ADAMTSL1: variants seen among roughly 807,000 people sequenced by gnomAD.
ADAMTSL1 encodes ADAMTS like 1, also known as ADAMTS-like protein 1.
In ADAMTSL1, 126 loss-of-function variants were observed where a neutral mutation model predicts 201.8. The ratio of observed to expected loss-of-function variants is 0.62; its 90% CI spans 0.54 to 0.72. ADAMTSL1 has a LOEUF of 0.72. Among genes scored for constraint, ADAMTSL1 ranks in the 30% least tolerant of loss-of-function variants. ADAMTSL1 has a pLI of 0.00. For synonymous variants in ADAMTSL1, 1,121 were observed against 903.4 expected (o/e 1.24, Z -4.32); for missense variants, 2,679 against 2,277.8 (o/e 1.18, Z -3.59).
intron 20 of ADAMTSL1, chr9:18,796,612 G>A (rs999495477): frequency 2.6e-5 from 4 of 152,184 alleles, no homozygotes; most frequent in Non-Finnish European, 4.4e-5. Context: ...ATGACTTCAG[G>A]CTGATCTGGG....
Position 18,241,983 on chromosome 9 carries a change from G to A in ADAMTSL1, c.207+78002G>A, listed in dbSNP as rs563926985. Among the ~76,000 whole-genome samples the A allele has an allele frequency of 1.5e-3, 232 of 152,050 alleles. 2 individuals carry two copies. Among genetic ancestry groups the A allele is most frequent in the African/African-American group, 5.3e-3 (222 of 41,512 alleles). On this transcript the variant is annotated intron_variant, in intron 2 of 29. Coordinates refer to the ADAMTSL1 transcript ENST00000680146. ...CTTATGAAACTCTTCCAAATTACTC[G>A]AGGGGGAGTACTTCCTAACACATCT...
intron 2 of ADAMTSL1, among the ~76,000 whole-genome samples, chr9:18,282,802 CA>C (rs1832842105): frequency 6.6e-6 from 1 of 152,168 alleles, no homozygotes; most frequent in Non-Finnish European, 1.5e-5. Flanking sequence ...GAGGCTGAGG[CA>C]GGAGAATCGC....
intron 3 of ADAMTSL1, among the ~76,000 whole-genome samples, chr9:18,572,494 T>C (rs1043906508): frequency 6.6e-6 from 1 of 152,212 alleles, no homozygotes; most frequent in Admixed American, 6.5e-5. Context: ...CTATGTTATA[T>C]ACATTATTCT....
chr9:18,819,193 C>T (rs1203407167), intron 21 of ADAMTSL1, among the ~76,000 whole-genome samples: 2 of 152,118 alleles, frequency 1.3e-5, no homozygotes, highest in African/African-American at 4.8e-5. Flanking sequence ...TGGGGACTCA[C>T]ACCTGTAATC....
chr9:17,926,619 C>T (rs189773350), intron 1 of ADAMTSL1, among the ~76,000 whole-genome samples: 3 of 152,334 alleles, frequency 2.0e-5, no homozygotes, highest in South Asian at 4.1e-4. Flanking sequence ...CAATCTCCTG[C>T]CAATGGTTAA....
chr9:18,631,495 A>AAAAAT, intron 5 of ADAMTSL1, among the ~76,000 whole-genome samples: 1 of 152,344 alleles, frequency 6.6e-6, no homozygotes, highest in South Asian at 2.1e-4. Flanking sequence ...TCTCATTTTT[A>AAAAAT]AAAATAAAAT....
chr9:18,747,913 C>T (rs1026400049), intron 15 of ADAMTSL1, among the ~76,000 whole-genome samples: 2 of 152,136 alleles, frequency 1.3e-5, no homozygotes, highest in African/African-American at 4.8e-5. Flanking sequence ...AGCTTAAAAT[C>T]CAGTTAAAGT....
intron 2 of ADAMTSL1, among the ~76,000 whole-genome samples, chr9:18,316,429 G>C (rs910460367): frequency 6.6e-6 from 1 of 151,994 alleles, no homozygotes; most frequent in Non-Finnish European, 1.5e-5. Flanking sequence ...CACCTGGGGG[G>C]GCCGTTTATA....
At chr9:18,421,050 G>T (rs991885244) in intron 2 of ADAMTSL1, among the ~76,000 whole-genome samples, 2 of 152,114 alleles carry the variant, frequency 1.3e-5, no homozygotes, top group African/African-American at 4.8e-5. Context: ...CATCAGCAAA[G>T]GTGAAAGTTG....
At position 18,803,596 on chromosome 9, in the gene ADAMTSL1, A is replaced by G. The variant is rs1822930722; in HGVS notation, c.3805+8072A>G. The stretch of plus-strand genomic sequence containing the variant: ...CACAGCTCATTTTCATCTGACTGCT[A>G]TCCCCCAAAAATAAAAATTTAATGT... On this transcript the variant is annotated intron_variant, in intron 20 of 28. Transcript: ENST00000380548. Among the ~76,000 whole-genome samples, 5 of 152,308 alleles carry G rather than the reference A, an allele frequency of 3.3e-5. No homozygotes were observed. The South Asian group carries it at 1.0e-3, about 32-fold the overall frequency.
intron 2 of ADAMTSL1, among the ~76,000 whole-genome samples, chr9:18,236,362 C>T (rs1830848835): frequency 6.6e-6 from 1 of 152,242 alleles, no homozygotes; most frequent in South Asian, 2.1e-4. Flanking sequence ...GCGTGAGCCA[C>T]CACGCATGGC....
At chr9:17,998,275 G>A (rs1044792150) in intron 1 of ADAMTSL1, among the ~76,000 whole-genome samples, 5 of 152,020 alleles carry the variant, frequency 3.3e-5, no homozygotes, top group African/African-American at 1.2e-4. Flanking sequence ...AGAAGGCAAG[G>A]CACAGCACTC....
At chr9:18,179,005 C>G (rs991977876) in intron 2 of ADAMTSL1, among the ~76,000 whole-genome samples, 1 of 152,260 alleles carries the variant, frequency 6.6e-6, no homozygotes, top group Non-Finnish European at 1.5e-5. Context: ...TCCTCACCAG[C>G]AACAGAACAA....
At chr9:18,561,801 C>G (rs568885995) in intron 3 of ADAMTSL1, among the ~76,000 whole-genome samples, 4 of 152,086 alleles carry the variant, frequency 2.6e-5, no homozygotes, top group African/African-American at 4.8e-5. Context: ...CTGTTTTGAT[C>G]TTTGTTGGTT....
intron 14 of ADAMTSL1, among the ~76,000 whole-genome samples, chr9:18,713,516 T>C (rs991369814): frequency 2.0e-5 from 3 of 152,102 alleles, no homozygotes; most frequent in Admixed American, 6.5e-5. Flanking sequence ...CATTACATAA[T>C]AGTAAAGGGA....
chr9:18,217,386 C>CA (rs1830092654), intron 2 of ADAMTSL1, among the ~76,000 whole-genome samples: 2 of 152,044 alleles, frequency 1.3e-5, no homozygotes, highest in South Asian at 4.1e-4. Context: ...GCAAATGTTT[C>CA]TTGAGGTGCC....
At chr9:18,378,526 G>T (rs969510574) in intron 2 of ADAMTSL1, among the ~76,000 whole-genome samples, 2 of 152,224 alleles carry the variant, frequency 1.3e-5, no homozygotes, top group African/African-American at 2.4e-5. Flanking sequence ...ACAGAAAAAT[G>T]TCTTTGCTGA....
chr9:18,893,453 C>T (rs1829421225), intron 26 of ADAMTSL1, among the ~76,000 whole-genome samples: 2 of 152,180 alleles, frequency 1.3e-5, no homozygotes, highest in South Asian at 2.1e-4. Context: ...TTCACCCCCT[C>T]CTCCTCTTTT....
chr9:18,800,113 A>C (rs868329774), intron 20 of ADAMTSL1, among the ~76,000 whole-genome samples: 2 of 152,184 alleles, frequency 1.3e-5, no homozygotes, highest in African/African-American at 2.4e-5. Context: ...ACGGTGGCTC[A>C]TGCCTGTAAT....
Sources: allele counts gnomAD v4.1 joint callset (sites outside exome capture counted in the v4.1 genomes callset), GRCh38; gene constraint gnomAD v4.1.1; transcripts MANE v1.5; gene names NCBI Gene and HGNC (gene_info 2026-07-23, HGNC 2026-07-21).